Variants in SVEP1 observed in about 807,000 individuals in gnomAD.
SVEP1 encodes the protein sushi, von Willebrand factor type A, EGF and pentraxin domain-containing protein 1.
A neutral mutation model predicts 367.3 loss-of-function variants in SVEP1; 164 were observed. That is an observed-to-expected ratio of 0.45 (90% confidence interval 0.39 to 0.51). The LOEUF (loss-of-function observed/expected upper bound fraction) is 0.51, where lower values mean the gene tolerates loss of function less well. Ranked by LOEUF, SVEP1 falls within the 20% of genes least tolerant of loss-of-function variation. The pLI is 0.00. For missense variants in SVEP1, 4,117 were observed against 4,425.3 expected (o/e 0.93, Z 1.98); for synonymous variants, 1,666 against 1,611.6 (o/e 1.03, Z -0.81).
intron 41 of SVEP1, 137 bp downstream of exon 41, chr9:110,389,387 A>G (rs900070531): frequency 2.1e-5 from 20 of 948,946 alleles, no homozygotes; most frequent in Admixed American, 3.1e-5. Flanking sequence ...GAAAAAGCCC[A>G]TTAAAAGGTT....
At position 110,408,639 on chromosome 9, in the gene SVEP1, C is replaced by T. The variant is rs1306527451; in HGVS notation, c.6961G>A (p.Ala2321Thr). The T allele has an allele frequency of 7.4e-6, 12 of 1,613,998 alleles. No individual in the cohort carries two copies. Among genetic ancestry groups the T allele is most frequent in the Non-Finnish European group, 7.6e-6 (9 of 1,179,894 alleles). ...NKKSNPKCMPAKCPEPPLLEN... is the reference protein window; with the variant it reads ...NKKSNPKCMPTKCPEPPLLEN... ...AAGAGGGGCGGCTCTGGGCACTTGG[C>T]AGGCATGCACTTTGGATTTGACTTC... is the stretch of plus-strand genomic sequence containing the variant. The change falls in exon 38 of 48, where the codon GCC becomes ACC. Residue 2321 changes from alanine (A) to threonine (T), a missense_variant. Transcript: ENST00000374469.
At chr9:110,409,914 C>T (rs1430521309) in intron 37 of SVEP1, among the ~76,000 whole-genome samples, 1 of 152,114 alleles carries the variant, frequency 6.6e-6, no homozygotes, top group African/African-American at 2.4e-5. Flanking sequence ...ATGTAAGCAC[C>T]ATGCCATTAC....
intron 1 of SVEP1, among the ~76,000 whole-genome samples, chr9:110,561,288 T>C (rs1439467868): frequency 2.0e-5 from 3 of 152,162 alleles, no homozygotes; most frequent in Admixed American, 6.6e-5. Flanking sequence ...TTTTAAACTT[T>C]CCCAAATTCT....
At chr9:110,402,534 G>A (rs369457397) in intron 39 of SVEP1, among the ~76,000 whole-genome samples, 2 of 152,002 alleles carry the variant, frequency 1.3e-5, no homozygotes, top group African/African-American at 2.4e-5. Flanking sequence ...CAAAAAAGGG[G>A]GGTCATACTA....
chr9:110,471,253 A>G (rs908413227), intron 16 of SVEP1, 111 bp downstream of exon 16: 7 of 903,036 alleles, frequency 7.8e-6, no homozygotes, highest in Non-Finnish European at 1.2e-5. Flanking sequence ...CCACACAACA[A>G]GAGCAAAATA....
chr9:110,526,556 C>A (rs751443787), intron 3 of SVEP1, among the ~76,000 whole-genome samples: 1 of 152,056 alleles, frequency 6.6e-6, no homozygotes, highest in Non-Finnish European at 1.5e-5. Context: ...GGCAGAGAAA[C>A]TGGATCACTC....
At chr9:110,395,321 C>G (rs1827740523) in intron 40 of SVEP1, among the ~76,000 whole-genome samples, 1 of 152,120 alleles carries the variant, frequency 6.6e-6, no homozygotes, top group South Asian at 2.1e-4. Context: ...TTGTCACCAC[C>G]AGGCCTGCCC....
chr9:110,465,294 T>C (rs1027619512), intron 18 of SVEP1, among the ~76,000 whole-genome samples: 3 of 148,822 alleles, frequency 2.0e-5, no homozygotes, highest in Non-Finnish European at 4.4e-5. Context: ...CTGGGGAAAC[T>C]TAAAAAAAAA....
At position 110,407,131 on chromosome 9, in the gene SVEP1, C is replaced by G. The variant is rs780204490; in HGVS notation, c.8469G>C (p.Glu2823Asp). ...RTCQDDKNWD[E>D]DEPICIPVDC... ...CCACAGGAATGCAAATGGGCTCATC[C>G]TCATCCCAGTTTTTGTCATCCTGGC... Residue 2823 changes from glutamate to aspartate, a missense_variant, in exon 38 of 48, where the codon GAG becomes GAC. By Grantham distance (45) the Glu-to-Asp change is conservative (BLOSUM62 2). Coordinates refer to ENST00000374469, the MANE Select transcript of SVEP1 (RefSeq NM_153366.4). The G allele has an allele frequency of 6.2e-7, 1 of 1,614,018 alleles. No individual in the cohort carries two copies. Among genetic ancestry groups the G allele is most frequent in the South Asian group, 1.1e-5 (1 of 91,084 alleles).
At chr9:110,476,826 G>A (rs1454759747) in intron 13 of SVEP1, among the ~76,000 whole-genome samples, 1 of 152,094 alleles carries the variant, frequency 6.6e-6, no homozygotes, top group Non-Finnish European at 1.5e-5. Flanking sequence ...GGAATTGGGG[G>A]CAGGCCTGAA....
At chr9:110,502,103 ATT>A (rs35353042) in intron 6 of SVEP1, among the ~76,000 whole-genome samples, 18 of 135,768 alleles carry the variant, frequency 1.3e-4, no homozygotes, top group East Asian at 2.1e-4. Flanking sequence ...AGTTCTTAGA[ATT>A]TTTTTTTTTT....
At chr9:110,467,933 C>CT (rs1828963319) in intron 17 of SVEP1, among the ~76,000 whole-genome samples, 2 of 150,954 alleles carry the variant, frequency 1.3e-5, no homozygotes, top group Non-Finnish European at 3.0e-5. Flanking sequence ...ACCATATATT[C>CT]CCCCCTCCCA....
At chr9:110,522,877 A>G (rs1044378328) in intron 3 of SVEP1, among the ~76,000 whole-genome samples, 3 of 152,170 alleles carry the variant, frequency 2.0e-5, no homozygotes, top group Non-Finnish European at 4.4e-5. Flanking sequence ...TTATTGGTAC[A>G]CTAATTTAAA....
At chr9:110,481,950 T>C (rs1419308472) in intron 11 of SVEP1, among the ~76,000 whole-genome samples, 1 of 152,118 alleles carries the variant, frequency 6.6e-6, no homozygotes, top group East Asian at 1.9e-4. Context: ...TGATCTCAAG[T>C]GATCCACCCG....
At chr9:110,440,776 G>T (rs1828500237) in intron 27 of SVEP1, among the ~76,000 whole-genome samples, 1 of 152,186 alleles carries the variant, frequency 6.6e-6, no homozygotes, top group Non-Finnish European at 1.5e-5. Context: ...TAGATACTGA[G>T]GGTGTCCATC....
In SVEP1 at chr9:110,513,998, T is replaced by C. The variant is rs201092253; in HGVS notation, c.1073A>G (p.Glu358Gly). Reference protein sequence around the residue: ...HTSPPGSTSPEDCVCREGYRA... With the variant: ...HTSPPGSTSPGDCVCREGYRA... ...GTATCCCTCTCTGCAGACACAGTCT[T>C]CAGGGGATGTGCTTCCAGGTGGAGA... Residue 358 changes from glutamate to glycine, a missense_variant, in exon 4 of 48, where the codon GAA (glutamate) becomes GGA (glycine). Around this residue, in one of 4 missense-constraint regions of SVEP1, gnomAD observed 2,174 missense variants for 2,494.3 expected, o/e 0.87. Coordinates refer to ENST00000374469, the MANE Select transcript of SVEP1 (RefSeq NM_153366.4). 3.3e-5 allele frequency: 54 copies of C among 1,612,986 alleles called. No homozygotes were observed. The highest frequency in any genetic ancestry group is 4.6e-5 in the Non-Finnish European group (54 of 1,179,558).
intron 46 of SVEP1, 26 bp downstream of exon 46, chr9:110,375,342 G>T (rs1452274973): frequency 6.5e-7 from 1 of 1,539,132 alleles, no homozygotes; most frequent in East Asian, 2.5e-5. Flanking sequence ...GAGCCACCAA[G>T]AAAACAAACC....
Position 110,387,536 on chromosome 9 carries a change from T to TATTTCA in SVEP1, c.9887-84_9887-79dup, listed in dbSNP as rs1380308909. On this transcript the variant is annotated intron_variant, in intron 41 of 47. Transcript: ENST00000374469. ...CTTCTTTTCCTATGATTGCCAAAGA[T>TATTTCA]ATTTCATGGAATATATAAAATATTA... 11 of 1,387,700 alleles carry TATTTCA rather than the reference T, an allele frequency of 7.9e-6. No individual in the cohort carries two copies. In the Admixed American group the frequency reaches 2.5e-4, roughly 32 times the overall value. The allele number at this position is 1,387,700 out of a possible 1,614,324, so 86.0% of individuals were successfully genotyped here. A position where few individuals can be genotyped will look rare whatever the true frequency, so the allele number is the denominator to read the frequency against.
Position 110,508,648 on chromosome 9 carries a change from C to T in SVEP1, c.1303+4278G>A, listed in dbSNP as rs1012170033. On this transcript the variant is annotated intron_variant, in intron 5 of 47. Coordinates refer to ENST00000374469, the MANE Select transcript of SVEP1 (RefSeq NM_153366.4). Reference sequence around the variant, plus strand: ...TGGTGGCGGGTGCCTGTAGTCCCAGCTACTCGGGAGGCTGAGGCAGGAGAA... The same window carrying T: ...TGGTGGCGGGTGCCTGTAGTCCCAGTTACTCGGGAGGCTGAGGCAGGAGAA... Among the ~76,000 whole-genome samples the T allele has an allele frequency of 4.6e-5, 7 of 150,978 alleles. No homozygotes were observed. In the East Asian group the frequency reaches 7.9e-4, roughly 17 times the overall value.
Sources: gnomAD v4.1 joint callset for allele counts (sites outside exome capture counted in the v4.1 genomes callset) on GRCh38, gnomAD v4.1.1 for gene constraint, gnomAD v4.1.1 regional missense constraint, MANE v1.5 for transcripts, NCBI Gene and HGNC (gene_info 2026-07-23, HGNC 2026-07-21) for gene names.